The following PDGFD variants were observed in gnomAD, a reference collection of about 807,000 sequenced individuals.
PDGFD encodes the protein platelet-derived growth factor D.
In PDGFD, 30 loss-of-function variants were observed where a neutral mutation model predicts 44.7. The ratio of observed to expected loss-of-function variants is 0.67; its 90% CI spans 0.50 to 0.91. The LOEUF (loss-of-function observed/expected upper bound fraction) is 0.91. PDGFD is among the 40% of genes least tolerant of loss of function. PDGFD has a pLI of 0.00. For synonymous variants in PDGFD, 173 were observed against 168.4 expected (o/e 1.03, Z -0.21); for missense variants, 445 against 457.8 (o/e 0.97, Z 0.25).
At chr11:104,126,109 T>A (rs17101970) in intron 1 of PDGFD, among the ~76,000 whole-genome samples, 37,946 of 152,056 alleles carry the variant, frequency 0.25, 4,835 homozygotes, top group East Asian at 0.29. Context: ...TCCACTAGCC[T>A]CATATCCTTA....
chr11:103,992,803 CATT>C (rs1859478777), intron 3 of PDGFD, among the ~76,000 whole-genome samples: 1 of 152,290 alleles, frequency 6.6e-6, no homozygotes, highest in South Asian at 2.1e-4. Context: ...TTTCCAAAAA[CATT>C]ATGAGCATGA....
chr11:104,086,276 A>G (rs1400298984), intron 1 of PDGFD, among the ~76,000 whole-genome samples: 1 of 152,052 alleles, frequency 6.6e-6, no homozygotes, highest in African/African-American at 2.4e-5. Flanking sequence ...TAATTTACAT[A>G]TTTTCTACCT....
chr11:104,002,772 ATTAT>A (rs1463794653), intron 1 of PDGFD, among the ~76,000 whole-genome samples: 43 of 152,100 alleles, frequency 2.8e-4, no homozygotes, highest in Admixed American at 2.7e-3. Context: ...AGTGCTATTA[ATTAT>A]TTATTAGTTT....
chr11:103,944,589 C>T (rs997988766), intron 4 of PDGFD, among the ~76,000 whole-genome samples: 2 of 152,154 alleles, frequency 1.3e-5, no homozygotes, highest in Admixed American at 6.6e-5. Flanking sequence ...TATCTCCTAT[C>T]ACTAAGGGAA....
At chr11:104,101,396 G>T (rs1861376853) in intron 1 of PDGFD, among the ~76,000 whole-genome samples, 1 of 151,900 alleles carries the variant, frequency 6.6e-6, no homozygotes, top group African/African-American at 2.4e-5. Flanking sequence ...AACTTACAAG[G>T]GACATGAAGG....
intron 3 of PDGFD, among the ~76,000 whole-genome samples, chr11:103,950,187 G>A (rs1858730135): frequency 6.6e-6 from 1 of 151,884 alleles, no homozygotes; most frequent in African/African-American, 2.4e-5. Context: ...ATCAGAAGAG[G>A]GACAGTTTTA....
chr11:104,103,331 C>T (rs1175657995), intron 1 of PDGFD, among the ~76,000 whole-genome samples: 2 of 151,528 alleles, frequency 1.3e-5, no homozygotes, highest in Admixed American at 1.3e-4. Flanking sequence ...CCTCAGTCTC[C>T]TCTGTATGTC....
chr11:103,924,148 C>T (rs574672035), intron 6 of PDGFD, among the ~76,000 whole-genome samples: 1 of 152,256 alleles, frequency 6.6e-6, no homozygotes, highest in Admixed American at 6.5e-5. Flanking sequence ...GCTCTTCCCA[C>T]AATAAGTAAT....
In PDGFD at chr11:104,092,596, A is replaced by T. The variant is rs1244125893; in HGVS notation, c.124+71208T>A. On this transcript the variant is annotated intron_variant, in intron 1 of 6. Coordinates refer to ENST00000393158, the MANE Select transcript of PDGFD (RefSeq NM_025208.5). Reference sequence around the variant, plus strand: ...CCAAAGGAAATTAAAACATGCCTCCAGAAAAAAATCAGGACTAATTCTGAT... The same window carrying T: ...CCAAAGGAAATTAAAACATGCCTCCTGAAAAAAATCAGGACTAATTCTGAT... Among the ~76,000 whole-genome samples the T allele has an allele frequency of 2.0e-5, 3 of 152,316 alleles. 1 individual carries two copies. The highest frequency in any genetic ancestry group is 4.1e-4 in the South Asian group (2 of 4,820).
intron 1 of PDGFD, among the ~76,000 whole-genome samples, chr11:104,006,746 G>A (rs1859708602): frequency 6.6e-6 from 1 of 152,160 alleles, no homozygotes; most frequent in African/African-American, 2.4e-5. Context: ...GGCTAGAGAG[G>A]AGACCTGCTG....
chr11:103,940,876 G>A (rs56343845), intron 5 of PDGFD, among the ~76,000 whole-genome samples: 3,887 of 152,156 alleles, frequency 0.026, 175 homozygotes, highest in African/African-American at 0.089. Flanking sequence ...CAAACATCAA[G>A]TAGTATGTCA....
intron 6 of PDGFD, among the ~76,000 whole-genome samples, chr11:103,925,714 C>CATATATATATATATATATATAT (rs1486877938): frequency 2.1e-5 from 2 of 95,862 alleles, no homozygotes; most frequent in African/African-American, 1.2e-4. Context: ...GACACACACA[C>CATATATATATATATATATATAT]ACATATATAT....
At chr11:103,925,312 A>G (rs1417478290) in intron 6 of PDGFD, among the ~76,000 whole-genome samples, 1 of 152,230 alleles carries the variant, frequency 6.6e-6, no homozygotes, top group East Asian at 1.9e-4. Flanking sequence ...TCATTTGGGT[A>G]TATACCCAGT....
intron 1 of PDGFD, among the ~76,000 whole-genome samples, chr11:104,020,314 C>T (rs1264085200): frequency 4.0e-5 from 6 of 151,838 alleles, no homozygotes; most frequent in South Asian, 4.2e-4. Context: ...TGACTGTGGA[C>T]GTAATACTGA....
chr11:103,939,419 T>C (rs1858547744), intron 5 of PDGFD, among the ~76,000 whole-genome samples: 1 of 152,200 alleles, frequency 6.6e-6, no homozygotes, highest in African/African-American at 2.4e-5. Context: ...TCCTGAGACT[T>C]TGCTGAAATT....
At chr11:103,964,398 T>C (rs186216175) in intron 3 of PDGFD, among the ~76,000 whole-genome samples, 4 of 152,282 alleles carry the variant, frequency 2.6e-5, no homozygotes, top group Non-Finnish European at 5.9e-5. Flanking sequence ...TAGCAAACTA[T>C]TGCTATTTCA....
intron 1 of PDGFD, among the ~76,000 whole-genome samples, chr11:104,026,991 T>G (rs552066691): frequency 6.6e-6 from 1 of 152,238 alleles, no homozygotes; most frequent in South Asian, 2.1e-4. Flanking sequence ...ATTAATTAGA[T>G]GAACAGATTG....
chr11:104,058,074 TA>T (rs1374962232), intron 1 of PDGFD, among the ~76,000 whole-genome samples: 1 of 151,938 alleles, frequency 6.6e-6, no homozygotes, highest in African/African-American at 2.4e-5. Flanking sequence ...AAAGAAAACA[TA>T]AAAAAATTGT....
At chr11:104,046,204 A>G (rs1156557378) in intron 1 of PDGFD, among the ~76,000 whole-genome samples, 2 of 148,040 alleles carry the variant, frequency 1.4e-5, no homozygotes, top group Non-Finnish European at 3.0e-5. Context: ...GATGACATCA[A>G]TTGGACATCA....
Sources: gnomAD v4.1 joint callset for allele counts (sites outside exome capture counted in the v4.1 genomes callset) on GRCh38, gnomAD v4.1.1 for gene constraint, MANE v1.5 for transcripts, NCBI Gene and HGNC (gene_info 2026-07-23, HGNC 2026-07-21) for gene names.